USP12: variants seen among roughly 807,000 people sequenced by gnomAD.
The protein encoded by USP12 is ubiquitin specific peptidase 12, also known as ubiquitin carboxyl-terminal hydrolase 12.
Under a neutral mutation model 45.5 loss-of-function variants are expected in USP12, and 19 were observed. The observed-to-expected ratio is 0.42, with a 90% CI of 0.29 to 0.61. The LOEUF (loss-of-function observed/expected upper bound fraction) is 0.61, where lower values mean the gene tolerates loss of function less well. USP12 is among the 20% of genes least tolerant of loss of function. The pLI is 0.22. For missense variants in USP12, 242 were observed against 447.7 expected (o/e 0.54, Z 4.15); for synonymous variants, 149 against 148.8 (o/e 1.00, Z -0.01).
chr13:27,075,144 C>T, intron 7 of USP12, 47 bp downstream of exon 7: 1 of 1,594,854 alleles, frequency 6.3e-7, no homozygotes. Flanking sequence ...GTACCCTGCT[C>T]TTCTAACCTA....
At chr13:27,130,514 A>G (rs1045235830) in intron 1 of USP12, among the ~76,000 whole-genome samples, 1 of 151,482 alleles carries the variant, frequency 6.6e-6, no homozygotes, top group Middle Eastern at 3.4e-3. Context: ...TACAACATTC[A>G]AACTGTTCAG....
At position 27,083,079 on chromosome 13, in the gene USP12, C is replaced by A. The variant is rs180910459; in HGVS notation, c.734+6804G>T. On this transcript the variant is annotated intron_variant, in intron 6 of 8. Coordinates refer to ENST00000282344, the MANE Select transcript of USP12 (RefSeq NM_182488.4). The stretch of plus-strand genomic sequence containing the variant: ...CAAACTCCTGACCTCAGGTGATCTG[C>A]CCACCTTGGCCTCCCAAAGTGCTGG... Among the ~76,000 whole-genome samples, 8 of 152,270 alleles carry A rather than the reference C, an allele frequency of 5.3e-5. No individual in the cohort carries two copies. The East Asian group carries it at 1.5e-3, about 29-fold the overall frequency.
In USP12 at chr13:27,170,605, A is replaced by C. The variant is rs542143079; in HGVS notation, c.48+987T>G. On this transcript the variant is annotated intron_variant, in intron 1 of 8. Transcript: ENST00000282344. ...TGGTCCTTCTGGCCACGCACAAAAC[A>C]CCAAGTTTTAAACGCGCCCACGTTT... Among the ~76,000 whole-genome samples the C allele has an allele frequency of 1.5e-4, 23 of 152,282 alleles. No individual in the cohort carries two copies. In the South Asian group the frequency reaches 4.8e-3, roughly 32 times the overall value.
chr13:27,118,007 C>T lies in USP12; in HGVS notation c.49-1411G>A, dbSNP rs117933472. 5.5e-3 allele frequency among the ~76,000 whole-genome samples: 811 copies of T among 148,384 alleles called. 5 individuals carry two copies. Among genetic ancestry groups the T allele is most frequent in the Middle Eastern group, 0.014 (4 of 294 alleles). On this transcript the variant is annotated intron_variant, in intron 1 of 8. Coordinates refer to ENST00000282344, the MANE Select transcript of USP12 (RefSeq NM_182488.4). Reference sequence around the variant, plus strand: ...TTTACCTTGAAAATTCCCGGGAAAACATACTAGATAAATATAACTGCCGGG... The same window carrying T: ...TTTACCTTGAAAATTCCCGGGAAAATATACTAGATAAATATAACTGCCGGG...
At chr13:27,141,012 CTTT>C (rs11455614) in intron 1 of USP12, among the ~76,000 whole-genome samples, 2 of 122,562 alleles carry the variant, frequency 1.6e-5, no homozygotes, top group Non-Finnish European at 1.7e-5. Flanking sequence ...TGTGAAGTCA[CTTT>C]TTTTTTTTTT....
At chr13:27,102,343 C>CT (rs1246606539) in intron 3 of USP12, among the ~76,000 whole-genome samples, 1 of 152,180 alleles carries the variant, frequency 6.6e-6, no homozygotes, top group Non-Finnish European at 1.5e-5. Flanking sequence ...CTGCAACAGC[C>CT]TCCAGGCTGG....
chr13:27,134,574 T>G (rs1188691335), intron 1 of USP12, among the ~76,000 whole-genome samples: 1 of 152,080 alleles, frequency 6.6e-6, no homozygotes, highest in Non-Finnish European at 1.5e-5. Flanking sequence ...CTCTCTCAAT[T>G]ACTTCATTTT....
At chr13:27,139,106 C>T (rs1876938647) in intron 1 of USP12, among the ~76,000 whole-genome samples, 1 of 152,092 alleles carries the variant, frequency 6.6e-6, no homozygotes, top group African/African-American at 2.4e-5. Context: ...TGGACTTTTC[C>T]CAGATTTATG....
intron 1 of USP12, among the ~76,000 whole-genome samples, chr13:27,138,951 G>C (rs1876930943): frequency 6.6e-6 from 1 of 152,114 alleles, no homozygotes; most frequent in South Asian, 2.1e-4. Flanking sequence ...CCATTCCCAA[G>C]GTGTCACAGT....
chr13:27,085,141 A>G (rs1873950936), intron 6 of USP12, among the ~76,000 whole-genome samples: 2 of 150,426 alleles, frequency 1.3e-5, no homozygotes, highest in African/African-American at 4.9e-5. Context: ...TAATAGTATT[A>G]TAAATGGAAT....
At chr13:27,156,439 G>A (rs537833512) in intron 1 of USP12, among the ~76,000 whole-genome samples, 27 of 152,242 alleles carry the variant, frequency 1.8e-4, no homozygotes, top group African/African-American at 5.5e-4. Flanking sequence ...GTGACGAAAC[G>A]CAACGATGAT....
At chr13:27,092,612 A>G (rs1874369942) in intron 4 of USP12, among the ~76,000 whole-genome samples, 1 of 152,246 alleles carries the variant, frequency 6.6e-6, no homozygotes, top group South Asian at 2.1e-4. Flanking sequence ...GCAATTCAAC[A>G]GAGAAAGAAT....
chr13:27,072,285 T>C (rs1346007792), intron 7 of USP12, among the ~76,000 whole-genome samples: 2 of 152,078 alleles, frequency 1.3e-5, no homozygotes, highest in Admixed American at 1.3e-4. Context: ...CAAAGAAAGG[T>C]TGCAGAACAC....
chr13:27,109,528 G>T (rs918352917), intron 2 of USP12, among the ~76,000 whole-genome samples: 1 of 151,742 alleles, frequency 6.6e-6, no homozygotes, highest in African/African-American at 2.4e-5. Context: ...TTGATGACTT[G>T]AAAAAAGGTT....
intron 6 of USP12, among the ~76,000 whole-genome samples, chr13:27,088,156 C>T (rs562384031): frequency 3.5e-4 from 53 of 152,294 alleles, no homozygotes; most frequent in African/African-American, 1.3e-3. Flanking sequence ...CGCAGTGGCT[C>T]ACGCCTGTAA....
Position 27,105,862 on chromosome 13 carries a change from T to C in USP12, c.212A>G (p.Lys71Arg). 1 of 1,613,868 alleles carries C rather than the reference T, an allele frequency of 6.2e-7. No individual in the cohort carries two copies. The highest frequency in any genetic ancestry group is 8.5e-7 in the Non-Finnish European group (1 of 1,179,820). ...GCTCTCCTTTTTCCTAGGTTGACTC[T>C]TATACGCAAGAACTTTTTCCCGAAA... ...RPFREKVLAY[K>R]SQPRKKESLL... The change falls in exon 3 of 9, where the codon AAG becomes AGG. Residue 71 changes from lysine to arginine, a missense_variant. Lys to Arg is a conservative substitution (Grantham distance 26, BLOSUM62 2). Around this residue, in one of 5 missense-constraint regions of USP12, gnomAD observed 77 missense variants for 153.7 expected, o/e 0.50. Coordinates refer to ENST00000282344, the MANE Select transcript of USP12 (RefSeq NM_182488.4).
intron 4 of USP12, among the ~76,000 whole-genome samples, chr13:27,092,873 T>C: frequency 6.6e-6 from 1 of 152,234 alleles, no homozygotes; most frequent in South Asian, 2.1e-4. Flanking sequence ...TTTATTAAAA[T>C]TAAAAACTGA....
chr13:27,156,901 A>G (rs1223439833), intron 1 of USP12, among the ~76,000 whole-genome samples: 1 of 152,154 alleles, frequency 6.6e-6, no homozygotes, highest in Non-Finnish European at 1.5e-5. Context: ...CTACATTAGT[A>G]ACAGCATGAT....
At chr13:27,070,694 C>G (rs549339917) in intron 8 of USP12, among the ~76,000 whole-genome samples, 1 of 152,192 alleles carries the variant, frequency 6.6e-6, no homozygotes, top group East Asian at 1.9e-4. Context: ...GCTGGGATTA[C>G]AGGCATGCGC....
Sources: gnomAD v4.1 joint callset for allele counts (sites outside exome capture counted in the v4.1 genomes callset) on GRCh38, gnomAD v4.1.1 for gene constraint, gnomAD v4.1.1 regional missense constraint, MANE v1.5 for transcripts, NCBI Gene and HGNC (gene_info 2026-07-23, HGNC 2026-07-21) for gene names.